KIAA1958: variants seen among roughly 807,000 people sequenced by gnomAD.
The protein encoded by KIAA1958 is uncharacterized protein KIAA1958.
In KIAA1958, 14 loss-of-function variants were observed where a neutral mutation model predicts 47.2. The observed-to-expected ratio is 0.30, with a 90% CI of 0.20 to 0.46. The LOEUF is 0.46. KIAA1958 is among the 20% of genes least tolerant of loss of function. The probability of loss-of-function intolerance (pLI) is 1.00; values close to 1 mark genes in which losing one functional copy is unlikely to be tolerated. For missense variants in KIAA1958, 803 were observed against 909.2 expected (o/e 0.88, Z 1.50); for synonymous variants, 354 against 353.3 (o/e 1.00, Z -0.02).
chr9:112,530,266 G>A (rs1834731798), intron 1 of KIAA1958, among the ~76,000 whole-genome samples: 3 of 152,008 alleles, frequency 2.0e-5, no homozygotes, highest in Admixed American at 2.0e-4. Context: ...TTTATACTTT[G>A]GATTAGAACC....
At position 112,660,180 on chromosome 9, in the gene KIAA1958, G is replaced by T; in HGVS notation, c.*111G>T. Reference sequence around the variant, plus strand: ...TGACCAGGTGTGACCTCCCGGTCTGGCGGCTCTCCCCTGGTGTGGCCTGCC... The same window carrying T: ...TGACCAGGTGTGACCTCCCGGTCTGTCGGCTCTCCCCTGGTGTGGCCTGCC... On this transcript the variant is annotated 3_prime_UTR_variant, in exon 4 of 4. Coordinates refer to ENST00000337530, the MANE Select transcript of KIAA1958 (RefSeq NM_133465.4). 1.1e-6 allele frequency: 1 copy of T among 896,320 alleles called. No homozygotes were observed. The highest frequency in any genetic ancestry group is 2.5e-5 in the East Asian group (1 of 40,084). 55.5% of individuals were successfully genotyped at this position (896,320 alleles called of 1,614,324 possible).
intron 2 of KIAA1958, among the ~76,000 whole-genome samples, chr9:112,617,458 A>C (rs1325436255): frequency 6.6e-6 from 1 of 152,240 alleles, no homozygotes; most frequent in African/African-American, 2.4e-5. Flanking sequence ...GAACCAGTAC[A>C]ACCTCTGTTT....
At chr9:112,520,046 G>A (rs541199727) in intron 1 of KIAA1958, among the ~76,000 whole-genome samples, 2 of 152,106 alleles carry the variant, frequency 1.3e-5, no homozygotes, top group African/African-American at 4.8e-5. Flanking sequence ...CTTAAGTTTT[G>A]TGTGTATGGG....
chr9:112,587,173 A>G (rs1234662160), intron 2 of KIAA1958, among the ~76,000 whole-genome samples: 1 of 152,104 alleles, frequency 6.6e-6, no homozygotes, highest in Non-Finnish European at 1.5e-5. Context: ...TTTTTTTGAG[A>G]CAGTCTCACT....
At chr9:112,522,964 G>GCTCC (rs1834574513) in intron 1 of KIAA1958, among the ~76,000 whole-genome samples, 1 of 152,140 alleles carries the variant, frequency 6.6e-6, no homozygotes, top group African/African-American at 2.4e-5. Context: ...AATGGATAGT[G>GCTCC]GGAGTACTCT....
chr9:112,544,877 T>G (rs76064045), intron 1 of KIAA1958, among the ~76,000 whole-genome samples: 12,811 of 152,204 alleles, frequency 0.084, 738 homozygotes, highest in Non-Finnish European at 0.13. Flanking sequence ...GGAAAAGAAA[T>G]TTTCCCCAGC....
At chr9:112,632,772 G>C (rs1490183705) in intron 2 of KIAA1958, among the ~76,000 whole-genome samples, 2 of 151,836 alleles carry the variant, frequency 1.3e-5, no homozygotes, top group African/African-American at 4.8e-5. Flanking sequence ...TTTGAAATTT[G>C]TTCAGTGCAG....
At chr9:112,539,753 C>A (rs553933301) in intron 1 of KIAA1958, among the ~76,000 whole-genome samples, 1 of 152,082 alleles carries the variant, frequency 6.6e-6, no homozygotes, top group African/African-American at 2.4e-5. Context: ...TGCAGTGGCA[C>A]GATCTTGGCT....
intron 1 of KIAA1958, among the ~76,000 whole-genome samples, chr9:112,521,256 T>C (rs1460578039): frequency 6.6e-6 from 1 of 152,296 alleles, no homozygotes; most frequent in East Asian, 1.9e-4. Context: ...TTGCCCAGGC[T>C]GGAGTGCAGT....
At chr9:112,559,499 A>G (rs1388141382) in intron 1 of KIAA1958, among the ~76,000 whole-genome samples, 1 of 152,226 alleles carries the variant, frequency 6.6e-6, no homozygotes, top group Non-Finnish European at 1.5e-5. Context: ...AGGAGTGCCA[A>G]TGGAATGTCT....
At chr9:112,632,570 A>G (rs1836728867) in intron 2 of KIAA1958, among the ~76,000 whole-genome samples, 1 of 152,138 alleles carries the variant, frequency 6.6e-6, no homozygotes, top group South Asian at 2.1e-4. Context: ...TGGCAAATGA[A>G]ATATATCTCA....
intron 3 of KIAA1958, among the ~76,000 whole-genome samples, chr9:112,648,389 CA>C (rs1017488319): frequency 3.3e-5 from 5 of 152,278 alleles, no homozygotes; most frequent in African/African-American, 1.2e-4. Flanking sequence ...GAGAGCTGCA[CA>C]GCAACATAAC....
intron 1 of KIAA1958, among the ~76,000 whole-genome samples, chr9:112,510,041 G>A (rs1257173797): frequency 6.6e-6 from 1 of 152,202 alleles, no homozygotes; most frequent in Admixed American, 6.5e-5. Flanking sequence ...AAAGGAAGTG[G>A]TGCAGCCCCT....
chr9:112,536,137 G>T (rs1834851435), intron 1 of KIAA1958, among the ~76,000 whole-genome samples: 1 of 152,210 alleles, frequency 6.6e-6, no homozygotes, highest in Non-Finnish European at 1.5e-5. Flanking sequence ...AAAGAAACTG[G>T]CACTGGACTT....
intron 1 of KIAA1958, among the ~76,000 whole-genome samples, chr9:112,521,462 C>T (rs888571675): frequency 5.9e-5 from 9 of 152,152 alleles, no homozygotes; most frequent in Admixed American, 2.0e-4. Context: ...GACCCTCCCA[C>T]GTTGGCCTCC....
intron 2 of KIAA1958, among the ~76,000 whole-genome samples, chr9:112,585,083 G>A (rs972249867): frequency 3.9e-5 from 6 of 152,208 alleles, no homozygotes; most frequent in Non-Finnish European, 8.8e-5. Context: ...GGATCAGGGA[G>A]ACATGTCTCT....
rs57898820 is a variant in KIAA1958, at chr9:112,568,936, T to TAAAAAAAAAAAA, written c.-24-5101_-24-5090dup. On this transcript the variant is annotated intron_variant, in intron 1 of 3. Coordinates refer to ENST00000337530, the MANE Select transcript of KIAA1958 (RefSeq NM_133465.4). The stretch of plus-strand genomic sequence containing the variant: ...GCTGCCAATTTAAGAATAGGAAAAC[T>TAAAAAAAAAAAA]AAAAAAAAAAAAAAAAAAAAAAAAA... Among the ~76,000 whole-genome samples the TAAAAAAAAAAAA allele has an allele frequency of 4.9e-4, 18 of 36,456 alleles. 2 individuals carry two copies. The highest frequency in any genetic ancestry group is 1.1e-3 in the Admixed American group (2 of 1,846). The allele number at this position is 36,456 out of a possible 152,430, so 23.9% of individuals were successfully genotyped here.
At chr9:112,549,770 T>G (rs1380692032) in intron 1 of KIAA1958, among the ~76,000 whole-genome samples, 1 of 152,154 alleles carries the variant, frequency 6.6e-6, no homozygotes, top group Non-Finnish European at 1.5e-5. Context: ...TTTAACAATG[T>G]CTGGAGACAT....
chr9:112,487,075 C>T lies in KIAA1958; in HGVS notation c.-68C>T, dbSNP rs1163491023. Reference sequence around the variant, plus strand: ...GCTGCCCGGCTCTCGCAGGCCCCCCCGCGCCGACCGCGTTCCTATGGACAG... The same window carrying T: ...GCTGCCCGGCTCTCGCAGGCCCCCCTGCGCCGACCGCGTTCCTATGGACAG... On this transcript the variant is annotated 5_prime_UTR_variant, in exon 1 of 4. Transcript: ENST00000337530. 4.4e-6 allele frequency: 1 copy of T among 226,326 alleles called. No individual in the cohort carries two copies. Among genetic ancestry groups the T allele is most frequent in the South Asian group, 4.7e-5 (1 of 21,222 alleles). 14.0% of individuals were successfully genotyped at this position (226,326 alleles called of 1,614,324 possible). A position where few individuals can be genotyped will look rare whatever the true frequency, so the allele number is the denominator to read the frequency against.
Sources: allele counts gnomAD v4.1 joint callset (sites outside exome capture counted in the v4.1 genomes callset), GRCh38; gene constraint gnomAD v4.1.1; transcripts MANE v1.5; gene names NCBI Gene and HGNC (gene_info 2026-07-23, HGNC 2026-07-21).